SGCG: variants seen among roughly 807,000 people sequenced by gnomAD.
SGCG encodes gamma-sarcoglycan.
In SGCG, 26 loss-of-function variants were observed where a neutral mutation model predicts 29.3. The observed-to-expected ratio is 0.89, with a 90% CI of 0.65 to 1.23. The LOEUF (loss-of-function observed/expected upper bound fraction) is 1.23, where lower values mean the gene tolerates loss of function less well. Ranked by LOEUF, SGCG falls within the 50% of genes most tolerant of loss-of-function variation. SGCG has a pLI of 0.00. For synonymous variants in SGCG, 145 were observed against 129.7 expected, an observed-to-expected ratio of 1.12 and a Z score of -0.80; for missense variants, 353 against 356.0, an observed-to-expected ratio of 0.99 and a Z score of 0.07.
At chr13:23,208,767 G>A (rs1878076918) in intron 2 of SGCG, among the ~76,000 whole-genome samples, 1 of 152,110 alleles carries the variant, frequency 6.6e-6, no homozygotes, top group Non-Finnish European at 1.5e-5. Context: ...AAATCAGTCA[G>A]GAACACGGTT....
chr13:23,231,524 A>G (rs1879112835), intron 2 of SGCG, among the ~76,000 whole-genome samples: 1 of 152,138 alleles, frequency 6.6e-6, no homozygotes, highest in Non-Finnish European at 1.5e-5. Context: ...AACTGCCACC[A>G]TATGTTTACT....
At chr13:23,283,439 T>G (rs1881382479) in intron 5 of SGCG, among the ~76,000 whole-genome samples, 1 of 152,190 alleles carries the variant, frequency 6.6e-6, no homozygotes, top group Non-Finnish European at 1.5e-5. Context: ...AGGAATGTAA[T>G]CCCTGCTTTA....
In SGCG at chr13:23,217,901, G is replaced by T. The variant is rs148030523; in HGVS notation, c.195+14012G>T. 3.4e-3 allele frequency among the ~76,000 whole-genome samples: 518 copies of T among 152,150 alleles called. 6 individuals carry two copies. Among genetic ancestry groups the T allele is most frequent in the African/African-American group, 0.012 (490 of 41,498 alleles). ...GGTAGTGAGAATAAGTAGCTGATGA[G>T]TATACTTCCCTAACATGATACAAAA... On this transcript the variant is annotated intron_variant, in intron 2 of 7. Transcript: ENST00000218867.
At chr13:23,265,030 C>A (rs2137592597) in intron 4 of SGCG, among the ~76,000 whole-genome samples, 1 of 152,038 alleles carries the variant, frequency 6.6e-6, no homozygotes, top group Admixed American at 6.6e-5. Context: ...GTGACTAAAA[C>A]CTCAATAGTA....
intron 6 of SGCG, among the ~76,000 whole-genome samples, chr13:23,309,370 T>C (rs1472893997): frequency 6.6e-6 from 1 of 152,170 alleles, no homozygotes; most frequent in Non-Finnish European, 1.5e-5. Flanking sequence ...GCCTCCCAAG[T>C]AGCTGGAACT....
intron 1 of SGCG, among the ~76,000 whole-genome samples, chr13:23,201,012 C>T (rs1479362116): frequency 6.6e-6 from 1 of 151,938 alleles, no homozygotes; most frequent in African/African-American, 2.4e-5. Context: ...AGGTTTGTTG[C>T]AGAGGTGGGG....
At chr13:23,184,810 T>TA (rs1481554993) in intron 1 of SGCG, among the ~76,000 whole-genome samples, 1 of 152,156 alleles carries the variant, frequency 6.6e-6, no homozygotes, top group Non-Finnish European at 1.5e-5. Flanking sequence ...ATTCCCTTAA[T>TA]ACAACACCTG....
chr13:23,200,324 G>A (rs1006496085), intron 1 of SGCG, among the ~76,000 whole-genome samples: 3 of 147,450 alleles, frequency 2.0e-5, no homozygotes, highest in Admixed American at 6.9e-5. Flanking sequence ...TTGGGAGACC[G>A]AGGCAGGAGA....
At chr13:23,324,109 C>T (rs1883143105) in intron 7 of SGCG, among the ~76,000 whole-genome samples, 1 of 152,206 alleles carries the variant, frequency 6.6e-6, no homozygotes, top group Non-Finnish European at 1.5e-5. Flanking sequence ...CCACATTTCT[C>T]AGCTGCACTC....
the SGCG span, among the ~76,000 whole-genome samples, chr13:23,164,090 G>A: frequency 4.6e-5 from 7 of 152,036 alleles, no homozygotes; most frequent in African/African-American, 1.7e-4. Context: ...TTGGTAACCA[G>A]GTTTTTGTTT....
intron 6 of SGCG, among the ~76,000 whole-genome samples, chr13:23,303,337 A>G (rs1882242317): frequency 6.6e-6 from 1 of 152,236 alleles, no homozygotes. Flanking sequence ...TCTGGTAACC[A>G]GGAGAACACT....
At chr13:23,222,349 G>A (rs1221409319) in intron 2 of SGCG, among the ~76,000 whole-genome samples, 1 of 148,372 alleles carries the variant, frequency 6.7e-6, no homozygotes, top group Admixed American at 6.9e-5. Context: ...TCACAGACAT[G>A]CAGATGTTCT....
At chr13:23,311,808 A>G (rs547125649) in intron 6 of SGCG, among the ~76,000 whole-genome samples, 2 of 152,272 alleles carry the variant, frequency 1.3e-5, no homozygotes, top group East Asian at 3.9e-4. Context: ...AAATTAGAAA[A>G]TAGATTTTTT....
chr13:23,248,012 C>A lies in SGCG; in HGVS notation c.298-2618C>A, dbSNP rs753483838. Among the ~76,000 whole-genome samples, 20 of 142,750 alleles carry A rather than the reference C, an allele frequency of 1.4e-4. No homozygotes were observed. The Middle Eastern group carries it at 0.011, about 78-fold the overall frequency. 93.6% of individuals were successfully genotyped at this position (142,750 alleles called of 152,430 possible). A position where few individuals can be genotyped will look rare whatever the true frequency, so the allele number is the denominator to read the frequency against. Reference sequence around the variant, plus strand: ...AAAATAGGCCAGATGTAGTGGCTCACGCCTGTAATCCCAGCACTTTGGAAG... The same window carrying A: ...AAAATAGGCCAGATGTAGTGGCTCAAGCCTGTAATCCCAGCACTTTGGAAG... On this transcript the variant is annotated intron_variant, in intron 3 of 7. Coordinates refer to ENST00000218867, the MANE Select transcript of SGCG (RefSeq NM_000231.3).
intron 2 of SGCG, among the ~76,000 whole-genome samples, chr13:23,227,764 A>G (rs1478909218): frequency 1.3e-5 from 2 of 152,198 alleles, no homozygotes; most frequent in African/African-American, 4.8e-5. Context: ...AGGAATGGGC[A>G]TGGTGAACAA....
At chr13:23,207,957 C>A (rs553518718) in intron 2 of SGCG, among the ~76,000 whole-genome samples, 53 of 152,110 alleles carry the variant, frequency 3.5e-4, no homozygotes, top group African/African-American at 1.0e-3. Flanking sequence ...GGTATTTATC[C>A]AAAAGAATGG....
intron 4 of SGCG, among the ~76,000 whole-genome samples, chr13:23,278,733 T>C (rs187067890): frequency 3.1e-4 from 47 of 152,202 alleles, no homozygotes; most frequent in Admixed American, 7.8e-4. Context: ...TGGAAGGCAA[T>C]GGGTCTAGAG....
chr13:23,197,079 T>A (rs1877544063), intron 1 of SGCG, among the ~76,000 whole-genome samples: 1 of 152,204 alleles, frequency 6.6e-6, no homozygotes, highest in Admixed American at 6.5e-5. Flanking sequence ...ATGGGCTTGT[T>A]TCTAGACTCT....
chr13:23,216,108 C>A (rs993936877), intron 2 of SGCG, among the ~76,000 whole-genome samples: 2 of 152,090 alleles, frequency 1.3e-5, no homozygotes, highest in Non-Finnish European at 2.9e-5. Context: ...CCACTAAATA[C>A]CTAAAACTCT....
Sources: allele counts gnomAD v4.1 joint callset (sites outside exome capture counted in the v4.1 genomes callset), GRCh38; gene constraint gnomAD v4.1.1; transcripts MANE v1.5; gene names NCBI Gene and HGNC (gene_info 2026-07-23, HGNC 2026-07-21).